Variants in HSPA12A observed in about 807,000 individuals in gnomAD.
The protein encoded by HSPA12A is heat shock protein family A (Hsp70) member 12A.
Under a neutral mutation model 69.2 loss-of-function variants are expected in HSPA12A, and 28 were observed. The ratio of observed to expected loss-of-function variants is 0.40; its 90% CI spans 0.30 to 0.55. The LOEUF (loss-of-function observed/expected upper bound fraction) is 0.55. HSPA12A is among the 20% of genes least tolerant of loss of function. The pLI, the probability that HSPA12A is intolerant of heterozygous loss-of-function variation, is 0.38. For missense variants in HSPA12A, 686 were observed against 900.7 expected (o/e 0.76, Z 3.05); for synonymous variants, 345 against 370.5 (o/e 0.93, Z 0.79).
chr10:116,705,500 G>C lies in HSPA12A; in HGVS notation c.127-222C>G, dbSNP rs1357566414. 3.3e-5 allele frequency among the ~76,000 whole-genome samples: 5 copies of C among 152,372 alleles called. No homozygotes were observed. In the East Asian group the frequency reaches 9.7e-4, roughly 29 times the overall value. On this transcript the variant is annotated intron_variant, in intron 2 of 11. Transcript: ENST00000369209. ...GGGGGCATCCCTGAGTGGAGGGCCA[G>C]GCTGACTGGACAAAGCCTGCAGCTT...
At chr10:116,848,472 G>A (rs959766372) in intron 1 of HSPA12A, among the ~76,000 whole-genome samples, 1 of 152,242 alleles carries the variant, frequency 6.6e-6, no homozygotes, top group African/African-American at 2.4e-5. Context: ...ACAGGCAGAG[G>A]AGGTAAGATG....
chr10:116,692,316 C>A, intron 6 of HSPA12A, 35 bp downstream of exon 6: 1 of 1,545,032 alleles, frequency 6.5e-7, no homozygotes, highest in Non-Finnish European at 8.9e-7. Context: ...GAGTCCTTCT[C>A]CTCCGGCTTC....
intron 1 of HSPA12A, among the ~76,000 whole-genome samples, chr10:116,714,097 G>C (rs1265258822): frequency 1.3e-5 from 2 of 151,516 alleles, no homozygotes; most frequent in Non-Finnish European, 2.9e-5. Context: ...ATGGATGGAC[G>C]GATGGATGGG....
rs191528344 is a variant in HSPA12A, at chr10:116,723,287, C to T, written c.41-16002G>A. Among the ~76,000 whole-genome samples, 189 of 152,248 alleles carry T rather than the reference C, an allele frequency of 1.2e-3. No individual in the cohort carries two copies. Among genetic ancestry groups the T allele is most frequent in the African/African-American group, 4.3e-3 (179 of 41,548 alleles). The stretch of plus-strand genomic sequence containing the variant: ...TCTGCCATCTGGGAAAGCCATCTGC[C>T]ATCCCTCAGGCCTGGCTTGTGCACT... On this transcript the variant is annotated intron_variant, in intron 1 of 11. Coordinates refer to ENST00000369209, the MANE Select transcript of HSPA12A (RefSeq NM_025015.3). This position sits in a 1 kb window ranked among gnomAD's most constrained non-coding sequence, Gnocchi z 4.1.
intron 1 of HSPA12A, among the ~76,000 whole-genome samples, chr10:116,737,594 G>A (rs2133060219): frequency 6.6e-6 from 1 of 152,246 alleles, no homozygotes; most frequent in South Asian, 2.1e-4. Flanking sequence ...ATTTCACTAG[G>A]AAAAGAGGCA....
chr10:116,798,949 C>T (rs375027414), intron 2 of HSPA12A, among the ~76,000 whole-genome samples: 2 of 152,094 alleles, frequency 1.3e-5, no homozygotes, highest in African/African-American at 4.8e-5. Flanking sequence ...GACCCATCCA[C>T]AGACATCCTC....
chr10:116,714,650 G>T (rs374782873), intron 1 of HSPA12A, among the ~76,000 whole-genome samples: 3 of 152,146 alleles, frequency 2.0e-5, no homozygotes, highest in Non-Finnish European at 4.4e-5. Context: ...ACTCAACCTT[G>T]TCAGGGTCTT....
chr10:116,700,881 G>A (rs961830183), intron 4 of HSPA12A, 62 bp downstream of exon 4: 7 of 1,552,800 alleles, frequency 4.5e-6, no homozygotes, highest in Non-Finnish European at 6.2e-6. Flanking sequence ...CCCACCCCAA[G>A]GCTGGAGGAA....
chr10:116,767,942 G>A (rs1267919583), intron 2 of HSPA12A, among the ~76,000 whole-genome samples: 1 of 152,134 alleles, frequency 6.6e-6, no homozygotes, highest in African/African-American at 2.4e-5. Flanking sequence ...TAAAAAGTTT[G>A]GCAGTTCCTC....
At chr10:116,832,710 AT>A (rs1471784737) in intron 2 of HSPA12A, 2 of 152,218 alleles carry the variant, frequency 1.3e-5, no homozygotes, top group Admixed American at 6.5e-5. Flanking sequence ...CTCACCTGCT[AT>A]CAGGCCGAAA....
At chr10:116,817,579 A>C (rs1845329932) in intron 2 of HSPA12A, among the ~76,000 whole-genome samples, 1 of 152,130 alleles carries the variant, frequency 6.6e-6, no homozygotes, top group African/African-American at 2.4e-5. Flanking sequence ...CTTCTATTTA[A>C]GATTTCTCTG....
chr10:116,781,923 A>G (rs1013774170), intron 2 of HSPA12A, among the ~76,000 whole-genome samples: 14 of 152,240 alleles, frequency 9.2e-5, no homozygotes, highest in African/African-American at 3.1e-4. Flanking sequence ...AGATCATAAC[A>G]TTCATCAAAA....
At chr10:116,718,295 C>T (rs1850667534) in intron 1 of HSPA12A, among the ~76,000 whole-genome samples, 2 of 152,236 alleles carry the variant, frequency 1.3e-5, no homozygotes, top group Admixed American at 6.5e-5. Context: ...CTCCCAAACA[C>T]TCACCACCTG....
At chr10:116,787,594 G>C (rs1844606315) in intron 2 of HSPA12A, among the ~76,000 whole-genome samples, 1 of 152,054 alleles carries the variant, frequency 6.6e-6, no homozygotes, top group Non-Finnish European at 1.5e-5. Flanking sequence ...TAGAATTTCT[G>C]GAAGGATATA....
intron 2 of HSPA12A, among the ~76,000 whole-genome samples, chr10:116,812,459 AAAATAAAATAAAAT>A (rs1397738404): frequency 5.3e-5 from 8 of 151,522 alleles, no homozygotes; most frequent in East Asian, 4.2e-4. Context: ...TCTCAAAAAT[AAAATAAAATAAAAT>A]AAATAAAATA....
chr10:116,778,843 G>A (rs1844398932), intron 2 of HSPA12A, among the ~76,000 whole-genome samples: 1 of 152,314 alleles, frequency 6.6e-6, no homozygotes, highest in Non-Finnish European at 1.5e-5. Flanking sequence ...GCTGAGGCAG[G>A]AGGATCGCTA....
chr10:116,687,693 G>T (rs1313248727), intron 6 of HSPA12A, among the ~76,000 whole-genome samples: 2 of 152,202 alleles, frequency 1.3e-5, no homozygotes, highest in Admixed American at 6.5e-5. Flanking sequence ...CCACTTGGCA[G>T]CCCTCAGCAA....
intron 1 of HSPA12A, among the ~76,000 whole-genome samples, chr10:116,737,230 C>T (rs1236214744): frequency 2.0e-5 from 3 of 152,172 alleles, no homozygotes; most frequent in African/African-American, 7.2e-5. Context: ...CACTACGCTT[C>T]CCAAATCAAC....
intron 1 of HSPA12A, among the ~76,000 whole-genome samples, chr10:116,712,977 A>AATATATATTTATATATAT (rs1850482794): frequency 1.2e-5 from 1 of 80,858 alleles, no homozygotes; most frequent in Non-Finnish European, 2.2e-5. Context: ...TAAAAAATGC[A>AATATATATTTATATATAT]ATATATATAT....
Sources: allele counts gnomAD v4.1 joint callset (sites outside exome capture counted in the v4.1 genomes callset), GRCh38; gene constraint gnomAD v4.1.1; non-coding constraint Gnocchi (gnomAD v3.1); transcripts MANE v1.5; gene names NCBI Gene and HGNC (gene_info 2026-07-23, HGNC 2026-07-21).